TNFSF4: variants seen among roughly 807,000 people sequenced by gnomAD.
TNFSF4 encodes the protein tumor necrosis factor ligand superfamily member 4.
In TNFSF4, 4 loss-of-function variants were observed where a neutral mutation model predicts 7.3. That is an observed-to-expected ratio of 0.55 (90% CI 0.27 to 1.25). The LOEUF is 1.25. Ranked by LOEUF, TNFSF4 falls within the 50% of genes most tolerant of loss-of-function variation. The probability of loss-of-function intolerance (pLI) is 0.12; values close to 1 mark genes in which losing one functional copy is unlikely to be tolerated. For synonymous variants in TNFSF4, 76 were observed against 83.7 expected, an observed-to-expected ratio of 0.91 and a Z score of 0.50; for missense variants, 181 against 208.8, an observed-to-expected ratio of 0.87 and a Z score of 0.82.
chr1:173,320,114 C>T, the TNFSF4 span, among the ~76,000 whole-genome samples: 10 of 152,184 alleles, frequency 6.6e-5, no homozygotes, highest in Admixed American at 4.6e-4. Context: ...TCCAGCAGTA[C>T]ATCAAAAAGC....
At chr1:173,248,410 A>G in the TNFSF4 span, among the ~76,000 whole-genome samples, 8 of 145,698 alleles carry the variant, frequency 5.5e-5, no homozygotes, top group South Asian at 2.2e-4. Flanking sequence ...AAGGAAGGAA[A>G]GAAAGAAGGA....
At chr1:173,280,103 C>A in the TNFSF4 span, among the ~76,000 whole-genome samples, 2 of 151,988 alleles carry the variant, frequency 1.3e-5, no homozygotes, top group Non-Finnish European at 2.9e-5. Context: ...CTCTGCATAC[C>A]AAACTTCCAT....
At chr1:173,344,232 A>G in the TNFSF4 span, among the ~76,000 whole-genome samples, 11 of 152,336 alleles carry the variant, frequency 7.2e-5, no homozygotes, top group East Asian at 2.1e-3. Context: ...CTGATGTAAC[A>G]TTGCAGCGCA....
At chr1:173,384,410 A>G in the TNFSF4 span, among the ~76,000 whole-genome samples, 2 of 152,208 alleles carry the variant, frequency 1.3e-5, no homozygotes, top group Non-Finnish European at 2.9e-5. Context: ...TGTTAAAGGT[A>G]TTCCCAAGAG....
the TNFSF4 span, among the ~76,000 whole-genome samples, chr1:173,229,253 C>T: frequency 1.3e-5 from 2 of 152,186 alleles, no homozygotes; most frequent in East Asian, 3.8e-4. Flanking sequence ...ACAATACAAG[C>T]CAGAAGAGAG....
At chr1:173,289,994 G>A in the TNFSF4 span, among the ~76,000 whole-genome samples, 2 of 151,596 alleles carry the variant, frequency 1.3e-5, no homozygotes, top group African/African-American at 4.8e-5. Flanking sequence ...ATTTTCCAAG[G>A]TATTGTGAAA....
chr1:173,425,370 T>A, the TNFSF4 span, among the ~76,000 whole-genome samples: 1 of 152,180 alleles, frequency 6.6e-6, no homozygotes, highest in Non-Finnish European at 1.5e-5. Context: ...GACTATTTCA[T>A]AATCCACAAA....
At chr1:173,260,938 A>G in the TNFSF4 span, among the ~76,000 whole-genome samples, 1 of 152,206 alleles carries the variant, frequency 6.6e-6, no homozygotes, top group East Asian at 1.9e-4. Flanking sequence ...ATTGAGATAG[A>G]AAATTAATAA....
chr1:173,316,801 A>G, the TNFSF4 span, among the ~76,000 whole-genome samples: 1 of 152,194 alleles, frequency 6.6e-6, no homozygotes. Flanking sequence ...CATATTTCTT[A>G]AAATTAACAT....
chr1:173,438,844 G>A, the TNFSF4 span, among the ~76,000 whole-genome samples: 6 of 152,220 alleles, frequency 3.9e-5, no homozygotes, highest in African/African-American at 1.4e-4. Flanking sequence ...AAGGTCATCT[G>A]CCTCCAAGTT....
At chr1:173,418,667 C>T in the TNFSF4 span, 1 of 151,104 alleles carries the variant, frequency 6.6e-6, no homozygotes, top group Non-Finnish European at 1.5e-5. Flanking sequence ...CATCATAGTC[C>T]AAAATGAGAA....
chr1:173,262,931 C>T, the TNFSF4 span, among the ~76,000 whole-genome samples: 5 of 152,272 alleles, frequency 3.3e-5, no homozygotes, highest in South Asian at 2.1e-4. Context: ...TAAACAACTT[C>T]GGCAACATCT....
the TNFSF4 span, among the ~76,000 whole-genome samples, chr1:173,442,615 T>C: frequency 7.3e-6 from 1 of 136,824 alleles, no homozygotes; most frequent in Non-Finnish European, 1.6e-5. Flanking sequence ...AGTGATGCAA[T>C]CTCAACTCAC....
intron 2 of TNFSF4, among the ~76,000 whole-genome samples, chr1:173,187,300 T>C (rs1416969918): frequency 6.6e-6 from 1 of 152,236 alleles, no homozygotes; most frequent in East Asian, 1.9e-4. Context: ...GCAACTTCAG[T>C]GCCTCCTTTC....
chr1:173,246,273 AT>A, the TNFSF4 span, among the ~76,000 whole-genome samples: 1 of 152,088 alleles, frequency 6.6e-6, no homozygotes, highest in African/African-American at 2.4e-5. Context: ...CCCCATATGC[AT>A]TAGGTATTTT....
chr1:173,223,307 T>A, the TNFSF4 span, among the ~76,000 whole-genome samples: 1 of 152,200 alleles, frequency 6.6e-6, no homozygotes, highest in Non-Finnish European at 1.5e-5. Flanking sequence ...GGAGTTTCAT[T>A]CTGGCTGGAC....
At chr1:173,298,965 G>A in the TNFSF4 span, among the ~76,000 whole-genome samples, 1 of 151,922 alleles carries the variant, frequency 6.6e-6, no homozygotes. Flanking sequence ...TACTTAACAT[G>A]ACACCTCTAA....
chr1:173,437,328 G>A, the TNFSF4 span, among the ~76,000 whole-genome samples: 22 of 152,052 alleles, frequency 1.4e-4, no homozygotes, highest in African/African-American at 4.8e-4. Flanking sequence ...AAGGTCTCTC[G>A]GCTTTTTCTT....
the TNFSF4 span, among the ~76,000 whole-genome samples, chr1:173,288,975 T>G: frequency 1.7e-3 from 260 of 152,188 alleles, 1 homozygote; most frequent in African/African-American, 6.1e-3. Context: ...CCCCTATGCC[T>G]ACTCTTGATT....
Sources: allele counts gnomAD v4.1 joint callset (sites outside exome capture counted in the v4.1 genomes callset), GRCh38; gene constraint gnomAD v4.1.1; transcripts MANE v1.5; gene names NCBI Gene and HGNC (gene_info 2026-07-23, HGNC 2026-07-21).